CLTCL1: variants seen among roughly 807,000 people sequenced by gnomAD.
The protein encoded by CLTCL1 is clathrin heavy chain like 1.
In CLTCL1, 159 loss-of-function variants were observed where a neutral mutation model predicts 190.0. That is an observed-to-expected ratio of 0.84 (90% CI 0.74 to 0.95). The LOEUF is 0.95. Among genes scored for constraint, CLTCL1 ranks in the 40% least tolerant of loss-of-function variants. CLTCL1 has a pLI of 0.00. For missense variants in CLTCL1, 1,878 were observed against 2,033.4 expected (o/e 0.92, Z 1.47); for synonymous variants, 752 against 769.6 (o/e 0.98, Z 0.38).
At chr22:19,208,868 G>C (rs2085130989) in intron 21 of CLTCL1, 54 bp downstream of exon 21, 1 of 1,414,448 alleles carries the variant, frequency 7.1e-7, no homozygotes. Context: ...TCTTGCTTCA[G>C]CCAGGTTTTG....
At chr22:19,182,974 G>A (rs1555926467) in intron 30 of CLTCL1, 3 of 242,966 alleles carry the variant, frequency 1.2e-5, no homozygotes, top group Non-Finnish European at 8.2e-6. Context: ...TCAGCAAAAG[G>A]CAGCTACCAC....
At chr22:19,271,740 C>T (rs2087328388) in intron 2 of CLTCL1, among the ~76,000 whole-genome samples, 1 of 152,110 alleles carries the variant, frequency 6.6e-6, no homozygotes, top group South Asian at 2.1e-4. Flanking sequence ...AAGGTATCTG[C>T]CAACTTTCCC....
intron 14 of CLTCL1, among the ~76,000 whole-genome samples, chr22:19,223,167 G>A (rs1241538862): frequency 1.3e-5 from 2 of 152,074 alleles, no homozygotes; most frequent in Non-Finnish European, 2.9e-5. Flanking sequence ...ACACGCAGCC[G>A]CAGGCCATGG....
rs1187462440 is a variant in CLTCL1 at position 19,291,575 on chromosome 22, A to C, written c.42+25T>G. On this transcript the variant is annotated intron_variant, in intron 1 of 32. Transcript: ENST00000427926. Reference sequence around the variant, plus strand: ...CCGGCGGAGGCGCGGCTGACAGGGCAGCCCCCCAGCCCGCCGGGCCTCACC... The same window carrying C: ...CCGGCGGAGGCGCGGCTGACAGGGCCGCCCCCCAGCCCGCCGGGCCTCACC... 3.7e-6 allele frequency: 5 copies of C among 1,355,884 alleles called. No homozygotes were observed. In the Admixed American group the frequency reaches 1.3e-4, roughly 35 times the overall value. The allele number at this position is 1,355,884 out of a possible 1,614,324, so 84.0% of individuals were successfully genotyped here.
intron 4 of CLTCL1, among the ~76,000 whole-genome samples, chr22:19,240,116 C>T (rs897997029): frequency 7.3e-5 from 11 of 151,706 alleles, no homozygotes; most frequent in African/African-American, 2.4e-4. Flanking sequence ...CCACCACACC[C>T]GGCTAAACTT....
At chr22:19,281,546 G>A (rs2087715741) in intron 1 of CLTCL1, among the ~76,000 whole-genome samples, 1 of 152,174 alleles carries the variant, frequency 6.6e-6, no homozygotes, top group South Asian at 2.1e-4. Context: ...AAATTTGGCA[G>A]TGATCGGAGA....
intron 2 of CLTCL1, among the ~76,000 whole-genome samples, chr22:19,257,287 C>T (rs1386710251): frequency 6.6e-6 from 1 of 152,120 alleles, no homozygotes; most frequent in African/African-American, 2.4e-5. Flanking sequence ...TGAACCTTCA[C>T]ATATATGATC....
intron 10 of CLTCL1, 88 bp from the exon 11 acceptor site, chr22:19,230,063 T>C: frequency 1.6e-6 from 2 of 1,228,444 alleles, no homozygotes; most frequent in Non-Finnish European, 2.2e-6. Context: ...AAATATTATC[T>C]CATTTAGAAA....
At chr22:19,290,394 T>C (rs1261750015) in intron 1 of CLTCL1, among the ~76,000 whole-genome samples, 2 of 152,244 alleles carry the variant, frequency 1.3e-5, no homozygotes, top group African/African-American at 4.8e-5. Context: ...GTCTAGTGAG[T>C]GGCAAGAGAA....
intron 18 of CLTCL1, 78 bp from the exon 19 acceptor site, chr22:19,216,334 G>A (rs1446043040): frequency 4.3e-6 from 6 of 1,390,678 alleles, no homozygotes; most frequent in Non-Finnish European, 6.0e-6. Flanking sequence ...CAGAAGGGAA[G>A]GACTCCTCCA....
At position 19,180,738 on chromosome 22, in the gene CLTCL1, G is replaced by A. The variant is rs549468693; in HGVS notation, c.4896C>T (p.Leu1632=). ...QEEHVTEPAP[L]VFDFDGHE Reference sequence around the variant, plus strand: ...GCTACAGGTGCCACCTACCAAACACGAGAGGGGCAGGCTCTGTCACATGCT... The same window carrying A: ...GCTACAGGTGCCACCTACCAAACACAAGAGGGGCAGGCTCTGTCACATGCT... The change falls in exon 31 of 33, where the codon CTC becomes CTT. Residue 1632 remains leucine, a synonymous_variant. Transcript: ENST00000427926. 56 of 1,613,680 alleles carry A rather than the reference G, an allele frequency of 3.5e-5. No individual in the cohort carries two copies. The highest frequency in any genetic ancestry group is 3.3e-4 in the East Asian group (15 of 44,888).
chr22:19,218,312 G>A (rs974408523), intron 18 of CLTCL1, among the ~76,000 whole-genome samples: 1 of 152,240 alleles, frequency 6.6e-6, no homozygotes, highest in Admixed American at 6.5e-5. Flanking sequence ...GAACCTGGAT[G>A]TAGAACCCTA....
Position 19,222,060 on chromosome 22 carries a change from C to A in CLTCL1, c.2452G>T (p.Gly818Trp). 6.2e-7 allele frequency: 1 copy of A among 1,614,012 alleles called. No individual in the cohort carries two copies. The highest frequency in any genetic ancestry group is 8.5e-7 in the Non-Finnish European group (1 of 1,179,878). ...TCAGAACAATCCACATCAAGCAGCC[C>A]TCCAATCACAGCTGGGGTCCGGCTA... ...NPSRTPAVIG[G>W]LLDVDCSEEV... Residue 818 changes from glycine (G) to tryptophan (W), a missense_variant, in exon 16 of 33, where the codon GGG becomes TGG. Coordinates refer to ENST00000427926, the MANE Select transcript of CLTCL1 (RefSeq NM_007098.4).
chr22:19,275,687 G>T lies in CLTCL1; in HGVS notation c.186C>A (p.Ile62=). 2 of 1,606,548 alleles carry T rather than the reference G, an allele frequency of 1.2e-6. No individual in the cohort carries two copies. Among genetic ancestry groups the T allele is most frequent in the Non-Finnish European group, 1.7e-6 (2 of 1,176,468 alleles). ...IIDMSDPMAP[I]RRPISAESAI... The stretch of plus-strand genomic sequence containing the variant: ...CACTCTCTGCAGAGATAGGCCGTCG[G>T]ATCGGAGCCATTGGGTCACTCATGT... The change falls in exon 2 of 33, where the codon ATC becomes ATA. Residue 62 remains isoleucine (I), a synonymous_variant. Transcript: ENST00000427926.
intron 19 of CLTCL1, 108 bp downstream of exon 19, chr22:19,216,003 A>G (rs1284518920): frequency 3.8e-6 from 4 of 1,062,182 alleles, no homozygotes; most frequent in East Asian, 5.2e-5. Context: ...GGAGCAGCCA[A>G]TGGGCAGGCT....
intron 29 of CLTCL1, chr22:19,184,899 G>C (rs1555927578): frequency 3.9e-6 from 1 of 255,254 alleles, no homozygotes; most frequent in African/African-American, 2.3e-5. Flanking sequence ...CTTCATCCTG[G>C]TCCCCATCCC....
chr22:19,265,928 A>G (rs2087109608), intron 2 of CLTCL1, among the ~76,000 whole-genome samples: 1 of 152,202 alleles, frequency 6.6e-6, no homozygotes. Context: ...GCTGGAGTGC[A>G]ATGGCACTAT....
At chr22:19,240,194 C>T (rs1018037734) in intron 4 of CLTCL1, among the ~76,000 whole-genome samples, 3 of 151,486 alleles carry the variant, frequency 2.0e-5, no homozygotes, top group East Asian at 1.9e-4. Context: ...GACCCCACCT[C>T]GGGTAATCCA....
chr22:19,263,788 C>A (rs934762969), intron 2 of CLTCL1, among the ~76,000 whole-genome samples: 11 of 152,144 alleles, frequency 7.2e-5, no homozygotes, highest in African/African-American at 2.4e-4. Context: ...TAGATTACAG[C>A]ATAGTATAAA....
Sources: allele counts gnomAD v4.1 joint callset (sites outside exome capture counted in the v4.1 genomes callset), GRCh38; gene constraint gnomAD v4.1.1; transcripts MANE v1.5; gene names NCBI Gene and HGNC (gene_info 2026-07-23, HGNC 2026-07-21).